ENOPH1: variants seen among roughly 807,000 people sequenced by gnomAD.
The protein encoded by ENOPH1 is enolase-phosphatase E1.
In ENOPH1, 14 loss-of-function variants were observed where a neutral mutation model predicts 31.1. The ratio of observed to expected loss-of-function variants is 0.45; its 90% CI spans 0.30 to 0.70. The LOEUF (loss-of-function observed/expected upper bound fraction) is 0.70, where lower values mean the gene tolerates loss of function less well. ENOPH1 is among the 30% of genes least tolerant of loss of function. The probability of loss-of-function intolerance (pLI) is 0.09; values close to 1 mark genes in which losing one functional copy is unlikely to be tolerated. For missense variants in ENOPH1, 243 were observed against 321.5 expected (o/e 0.76, Z 1.87); for synonymous variants, 127 against 123.2 (o/e 1.03, Z -0.21).
Position 82,460,963 on chromosome 4 carries a change from A to G in ENOPH1, c.*843A>G, listed in dbSNP as rs1033453768. On this transcript the variant is annotated 3_prime_UTR_variant, in exon 6 of 6. Transcript: ENST00000273920. ...AACATTAAGATGAGCCCTAATATGT[A>G]AGATTTTCCTCTGGAATGGATGTGA... 2 of 152,228 alleles carry G rather than the reference A, an allele frequency of 1.3e-5. No homozygotes were observed. The highest frequency in any genetic ancestry group is 2.9e-5 in the Non-Finnish European group (2 of 68,032). 9.4% of individuals were successfully genotyped at this position (152,228 alleles called of 1,614,324 possible).
At chr4:82,457,633 A>T (rs148263264) in intron 5 of ENOPH1, among the ~76,000 whole-genome samples, 2 of 152,320 alleles carry the variant, frequency 1.3e-5, no homozygotes, top group Non-Finnish European at 2.9e-5. Flanking sequence ...ACACACACAC[A>T]CTATGACACA....
chr4:82,444,088 T>A (rs1722116920), intron 1 of ENOPH1, among the ~76,000 whole-genome samples: 1 of 152,224 alleles, frequency 6.6e-6, no homozygotes, highest in Non-Finnish European at 1.5e-5. Flanking sequence ...TTGGCCAGGC[T>A]GGTCTCGAAC....
At chr4:82,449,619 C>G (rs1172261814) in intron 2 of ENOPH1, among the ~76,000 whole-genome samples, 2 of 152,198 alleles carry the variant, frequency 1.3e-5, no homozygotes, top group Admixed American at 6.5e-5. Flanking sequence ...CACGAGAAGT[C>G]TATCCCCGCG....
At chr4:82,443,354 C>G (rs543298318) in intron 1 of ENOPH1, among the ~76,000 whole-genome samples, 1 of 151,792 alleles carries the variant, frequency 6.6e-6, no homozygotes, top group African/African-American at 2.4e-5. Context: ...GGGAGGATCA[C>G]CTGAGCCCAG....
chr4:82,449,057 C>CAA (rs10604951), intron 2 of ENOPH1, among the ~76,000 whole-genome samples: 44 of 49,480 alleles, frequency 8.9e-4, no homozygotes, highest in Admixed American at 1.4e-3. Flanking sequence ...GACTCCGTCT[C>CAA]AAAAAAAAAA....
intron 4 of ENOPH1, among the ~76,000 whole-genome samples, chr4:82,456,613 G>A (rs550717111): frequency 6.6e-6 from 1 of 152,240 alleles, no homozygotes; most frequent in African/African-American, 2.4e-5. Flanking sequence ...CATCTTTAAG[G>A]GTAGGATGTA....
At chr4:82,453,736 T>C (rs1381671126) in intron 3 of ENOPH1, among the ~76,000 whole-genome samples, 3 of 152,204 alleles carry the variant, frequency 2.0e-5, no homozygotes, top group African/African-American at 7.2e-5. Flanking sequence ...ACCTTTCTCC[T>C]GTGATGTTAA....
intron 1 of ENOPH1, among the ~76,000 whole-genome samples, chr4:82,446,316 G>A (rs1722180422): frequency 6.6e-6 from 1 of 152,006 alleles, no homozygotes; most frequent in Admixed American, 6.6e-5. Context: ...TACTTGGGAG[G>A]CTGAGGCAGG....
chr4:82,450,902 C>T, intron 2 of ENOPH1, 141 bp from the exon 3 acceptor site: 2 of 625,540 alleles, frequency 3.2e-6, no homozygotes, highest in Non-Finnish European at 2.8e-6. Context: ...GTATCAGCTC[C>T]AAAGTATATG....
chr4:82,438,768 A>G (rs1357167599), intron 1 of ENOPH1, among the ~76,000 whole-genome samples: 1 of 152,220 alleles, frequency 6.6e-6, no homozygotes, highest in Non-Finnish European at 1.5e-5. Flanking sequence ...TTTTAAAATG[A>G]TACCCTGTGT....
chr4:82,451,004 T>C, intron 2 of ENOPH1, 39 bp from the exon 3 acceptor site: 4 of 1,576,000 alleles, frequency 2.5e-6, no homozygotes, highest in Non-Finnish European at 3.5e-6. Flanking sequence ...GTTTTTTGAA[T>C]AAGCAAAAAA....
intron 1 of ENOPH1, among the ~76,000 whole-genome samples, chr4:82,445,259 T>C (rs1309063969): frequency 6.6e-6 from 1 of 152,118 alleles, no homozygotes; most frequent in Non-Finnish European, 1.5e-5. Context: ...TTATAATGTA[T>C]GATAGTACAT....
rs1376513570 is a variant in ENOPH1, at chr4:82,460,784, A to G, written c.*664A>G. ...GGTGCACTGAGGTAACATCTAAAAC[A>G]GAGATGTGGTTCTTAATGTTTAACA... is the stretch of plus-strand genomic sequence containing the variant. On this transcript the variant is annotated 3_prime_UTR_variant, in exon 6 of 6. Transcript: ENST00000273920. The G allele has an allele frequency of 3.9e-5, 6 of 152,294 alleles. No individual in the cohort carries two copies. Among genetic ancestry groups the G allele is most frequent in the Non-Finnish European group, 8.8e-5 (6 of 68,088 alleles). 9.4% of individuals were successfully genotyped at this position (152,294 alleles called of 1,614,324 possible).
intron 1 of ENOPH1, among the ~76,000 whole-genome samples, chr4:82,437,110 C>T (rs779590557): frequency 1.3e-4 from 20 of 152,100 alleles, no homozygotes; most frequent in Non-Finnish European, 2.5e-4. Context: ...AAAGAAAGCA[C>T]CTCTCACTTT....
At chr4:82,441,758 A>G (rs1722048243) in intron 1 of ENOPH1, among the ~76,000 whole-genome samples, 1 of 152,088 alleles carries the variant, frequency 6.6e-6, no homozygotes, top group African/African-American at 2.4e-5. Flanking sequence ...TGGGCAACAT[A>G]GTGAGACTGT....
intron 1 of ENOPH1, among the ~76,000 whole-genome samples, chr4:82,432,469 C>CTCT (rs993325720): frequency 2.6e-5 from 4 of 152,130 alleles, no homozygotes; most frequent in African/African-American, 9.7e-5. Flanking sequence ...CGCAGCCTCT[C>CTCT]CAGTAGCTGG....
At chr4:82,454,983 AAAT>A in intron 4 of ENOPH1, 129 bp downstream of exon 4, 2 of 813,818 alleles carry the variant, frequency 2.5e-6, no homozygotes, top group South Asian at 3.9e-5. Flanking sequence ...GGTAAGAAGA[AAAT>A]AATCACTTTT....
chr4:82,439,537 C>T (rs374512144), intron 1 of ENOPH1, among the ~76,000 whole-genome samples: 7 of 152,152 alleles, frequency 4.6e-5, no homozygotes, highest in African/African-American at 9.6e-5. Flanking sequence ...TCTTTACCCC[C>T]GATCTGATAC....
chr4:82,430,816 C>T lies in ENOPH1; in HGVS notation c.-14C>T, dbSNP rs781068843. Reference sequence around the variant, plus strand: ...CCCAACAGCAGGCCGAGTCCCGTAGCATCCGGTAGGGAAATGGTCGTGCTT... The same window carrying T: ...CCCAACAGCAGGCCGAGTCCCGTAGTATCCGGTAGGGAAATGGTCGTGCTT... On this transcript the variant is annotated 5_prime_UTR_variant, in exon 1 of 6. Coordinates refer to ENST00000273920, the MANE Select transcript of ENOPH1 (RefSeq NM_021204.5). The T allele has an allele frequency of 1.2e-5, 19 of 1,613,598 alleles. No homozygotes were observed. The highest frequency in any genetic ancestry group is 1.6e-4 in the Middle Eastern group (1 of 6,062).
Sources: allele counts gnomAD v4.1 joint callset (sites outside exome capture counted in the v4.1 genomes callset), GRCh38; gene constraint gnomAD v4.1.1; transcripts MANE v1.5; gene names NCBI Gene and HGNC (gene_info 2026-07-23, HGNC 2026-07-21).